EFNA5: variants seen among roughly 807,000 people sequenced by gnomAD.
EFNA5 encodes the protein ephrin A5, also known as ephrin-A5.
EFNA5 carries 5 observed loss-of-function variants against 22.9 expected under a neutral mutation model. That is an observed-to-expected ratio of 0.22 (90% CI 0.11 to 0.46). The LOEUF is 0.46. Ranked by LOEUF, EFNA5 falls within the 20% of genes least tolerant of loss-of-function variation. EFNA5 has a pLI of 0.99. For missense variants in EFNA5, 237 were observed against 293.3 expected, an observed-to-expected ratio of 0.81 and a Z score of 1.40; for synonymous variants, 113 against 112.2, an observed-to-expected ratio of 1.01 and a Z score of -0.04.
At chr5:107,662,342 G>A (rs894028449) in intron 1 of EFNA5, among the ~76,000 whole-genome samples, 4 of 152,070 alleles carry the variant, frequency 2.6e-5, no homozygotes, top group African/African-American at 9.7e-5. Context: ...ATATTTCACT[G>A]TGCCCAGCTT....
At chr5:107,598,112 T>C (rs147470722) in intron 1 of EFNA5, among the ~76,000 whole-genome samples, 28 of 152,312 alleles carry the variant, frequency 1.8e-4, no homozygotes, top group Admixed American at 9.2e-4. Context: ...GGAGATAATG[T>C]AGAATACCTA....
intron 1 of EFNA5, among the ~76,000 whole-genome samples, chr5:107,477,434 A>G (rs1157286974): frequency 2.0e-5 from 3 of 152,240 alleles, no homozygotes; most frequent in Admixed American, 6.5e-5. Context: ...TAAAACAAGC[A>G]GAAAATACAT....
chr5:107,426,008 T>A (rs1190677686), intron 2 of EFNA5, among the ~76,000 whole-genome samples: 3 of 152,150 alleles, frequency 2.0e-5, no homozygotes, highest in African/African-American at 7.2e-5. Context: ...TCCAAGCAGG[T>A]GAGGCACAAC....
chr5:107,579,922 C>T (rs539965896), intron 1 of EFNA5, among the ~76,000 whole-genome samples: 46 of 152,272 alleles, frequency 3.0e-4, no homozygotes, highest in African/African-American at 1.1e-3. Flanking sequence ...TCAACTACAA[C>T]TCAGAATATT....
chr5:107,534,275 C>T (rs1434710976), intron 1 of EFNA5, among the ~76,000 whole-genome samples: 2 of 152,190 alleles, frequency 1.3e-5, no homozygotes, highest in African/African-American at 4.8e-5. Flanking sequence ...GGGTCTGATA[C>T]TATCTTCCTT....
chr5:107,482,866 C>CTATATATATA, intron 1 of EFNA5, among the ~76,000 whole-genome samples: 1 of 43,310 alleles, frequency 2.3e-5, no homozygotes, highest in African/African-American at 8.6e-5. Context: ...CTCTCTCTCT[C>CTATATATATA]TCTCTATATA....
chr5:107,490,588 T>C (rs1372053166), intron 1 of EFNA5, among the ~76,000 whole-genome samples: 1 of 152,174 alleles, frequency 6.6e-6, no homozygotes, highest in Non-Finnish European at 1.5e-5. Context: ...ACCCTCACCT[T>C]TCAGGGAAGT....
At chr5:107,662,790 T>TAAAAAAAAAAAAAAAAAAGAAAAA (rs5870277) in intron 1 of EFNA5, among the ~76,000 whole-genome samples, 1 of 133,388 alleles carries the variant, frequency 7.5e-6, no homozygotes, top group African/African-American at 2.8e-5. Context: ...CTTGAGTAAT[T>TAAAAAAAAAAAAAAAAAAGAAAAA]AAAAAAAAAA....
intron 2 of EFNA5, among the ~76,000 whole-genome samples, chr5:107,424,938 AGCCACTGT>A (rs1228821506): frequency 6.6e-6 from 1 of 152,188 alleles, no homozygotes; most frequent in African/African-American, 2.4e-5. Flanking sequence ...CTGAACACCA[AGCCACTGT>A]GCTTCTTGTT....
intron 1 of EFNA5, 68 bp downstream of exon 1, chr5:107,670,421 C>G: frequency 6.7e-7 from 1 of 1,485,178 alleles, no homozygotes; most frequent in Non-Finnish European, 8.9e-7. Flanking sequence ...CGCCGATCCC[C>G]GCCGCCGCTC....
chr5:107,397,682 A>T (rs1347677313), intron 2 of EFNA5, among the ~76,000 whole-genome samples: 1 of 152,216 alleles, frequency 6.6e-6, no homozygotes, highest in Non-Finnish European at 1.5e-5. Context: ...GTATCTAGAT[A>T]GAAATATCCA....
At chr5:107,389,976 A>C (rs1747738546) in intron 2 of EFNA5, among the ~76,000 whole-genome samples, 1 of 152,216 alleles carries the variant, frequency 6.6e-6, no homozygotes, top group Non-Finnish European at 1.5e-5. Flanking sequence ...ATTTGTGAAC[A>C]AAGAATATTA....
At chr5:107,563,261 C>T (rs548802967) in intron 1 of EFNA5, among the ~76,000 whole-genome samples, 5 of 152,244 alleles carry the variant, frequency 3.3e-5, no homozygotes, top group African/African-American at 4.8e-5. Flanking sequence ...TGGCTATCTT[C>T]GGTTACATCT....
At chr5:107,502,473 T>C (rs1259049238) in intron 1 of EFNA5, among the ~76,000 whole-genome samples, 1 of 152,218 alleles carries the variant, frequency 6.6e-6, no homozygotes, top group African/African-American at 2.4e-5. Context: ...CCTTAAAGAA[T>C]TGTGATCCTG....
At chr5:107,471,855 G>C (rs2112386667) in intron 1 of EFNA5, among the ~76,000 whole-genome samples, 1 of 152,340 alleles carries the variant, frequency 6.6e-6, no homozygotes, top group South Asian at 2.1e-4. Context: ...TGTAGCTATA[G>C]GGGATAATAA....
At chr5:107,398,652 G>T (rs1580424243) in intron 2 of EFNA5, among the ~76,000 whole-genome samples, 1 of 152,030 alleles carries the variant, frequency 6.6e-6, no homozygotes, top group East Asian at 1.9e-4. Context: ...TTTGAGAACA[G>T]CCTGGGCAAC....
chr5:107,569,987 A>T (rs1206793398), intron 1 of EFNA5, among the ~76,000 whole-genome samples: 1 of 152,146 alleles, frequency 6.6e-6, no homozygotes, highest in East Asian at 1.9e-4. Flanking sequence ...GGGAAAAAAA[A>T]GTAGGCCAGA....
At chr5:107,457,779 A>G (rs193296991) in intron 1 of EFNA5, among the ~76,000 whole-genome samples, 1 of 152,306 alleles carries the variant, frequency 6.6e-6, no homozygotes, top group African/African-American at 2.4e-5. Context: ...TTCTATAAAC[A>G]CACAATTGTT....
intron 2 of EFNA5, among the ~76,000 whole-genome samples, chr5:107,415,997 C>T (rs1239082484): frequency 6.6e-6 from 1 of 152,132 alleles, no homozygotes; most frequent in Admixed American, 6.6e-5. Context: ...TGAAATTTAA[C>T]CTCTGAAAAA....
Sources: gnomAD v4.1 joint callset for allele counts (sites outside exome capture counted in the v4.1 genomes callset) on GRCh38, gnomAD v4.1.1 for gene constraint, MANE v1.5 for transcripts, NCBI Gene and HGNC (gene_info 2026-07-23, HGNC 2026-07-21) for gene names.